PAPSS2: variants seen among roughly 807,000 people sequenced by gnomAD.
PAPSS2 encodes 3'-phosphoadenosine 5'-phosphosulfate synthase 2.
PAPSS2 carries 61 observed loss-of-function variants against 66.5 expected under a neutral mutation model. The observed-to-expected ratio is 0.92, with a 90% confidence interval of 0.75 to 1.14. The LOEUF (loss-of-function observed/expected upper bound fraction) is 1.14. Ranked by LOEUF, PAPSS2 falls within the 50% of genes most tolerant of loss-of-function variation. The pLI, the probability that PAPSS2 is intolerant of heterozygous loss-of-function variation, is 0.00. For missense variants in PAPSS2, 708 were observed against 789.6 expected (o/e 0.90, Z 1.24); for synonymous variants, 289 against 287.5 (o/e 1.01, Z -0.05).
intron 1 of PAPSS2, among the ~76,000 whole-genome samples, chr10:87,693,589 G>T (rs7920890): frequency 0.99 from 151,049 of 152,356 alleles, 74,885 homozygotes; most frequent in East Asian, 1. Context: ...AGCATGTGGC[G>T]CGTTTGACAT....
Position 87,714,102 on chromosome 10 carries a change from T to G in PAPSS2, c.440T>G (p.Phe147Cys), listed in dbSNP as rs368164378. ...ESAGLPFFEI[F>C]VDAPLNICES... is the part of the protein sequence containing the mutation. The stretch of plus-strand genomic sequence containing the variant: ...GCAGGGCTGCCATTCTTTGAAATAT[T>G]TGTAGATGCACCTCTAAATATTTGT... The change falls in exon 4 of 13, where the codon TTT (phenylalanine) becomes TGT (cysteine). Residue 147 changes from phenylalanine to cysteine, a missense_variant. Transcript: ENST00000456849. 6 of 1,613,898 alleles carry G rather than the reference T, an allele frequency of 3.7e-6. No individual in the cohort carries two copies. The African/African-American group carries it at 6.7e-5, about 18-fold the overall frequency.
At chr10:87,733,768 T>G (rs1853759245) in intron 9 of PAPSS2, among the ~76,000 whole-genome samples, 1 of 152,150 alleles carries the variant, frequency 6.6e-6, no homozygotes, top group Non-Finnish European at 1.5e-5. Context: ...TGTTTGGAGC[T>G]ATTTTCTTTA....
intron 11 of PAPSS2, among the ~76,000 whole-genome samples, chr10:87,744,101 C>CAA (rs60248954): frequency 4.2e-5 from 6 of 141,418 alleles, no homozygotes; most frequent in East Asian, 2.0e-4. Flanking sequence ...GACTTCGTCT[C>CAA]AAAAAAAAAA....
intron 2 of PAPSS2, among the ~76,000 whole-genome samples, chr10:87,712,395 C>T (rs1318669154): frequency 6.6e-6 from 1 of 152,236 alleles, no homozygotes; most frequent in Non-Finnish European, 1.5e-5. Context: ...TATGAGACCA[C>T]TGTCACCACA....
intron 1 of PAPSS2, among the ~76,000 whole-genome samples, chr10:87,694,346 A>T (rs1313283604): frequency 6.6e-6 from 1 of 152,254 alleles, no homozygotes; most frequent in South Asian, 2.1e-4. Context: ...ACTTAAGTCT[A>T]TAAATCTAGA....
chr10:87,707,564 C>CTTTTTTTT (rs747152482), intron 1 of PAPSS2, among the ~76,000 whole-genome samples: 89 of 93,968 alleles, frequency 9.5e-4, no homozygotes, highest in Non-Finnish European at 1.0e-3. Flanking sequence ...TCTTTTTTTT[C>CTTTTTTTT]TTTTTTTTTT....
chr10:87,677,759 C>T lies in PAPSS2; in HGVS notation c.27+17751C>T, dbSNP rs902212812. Among the ~76,000 whole-genome samples the T allele has an allele frequency of 2.6e-5, 4 of 152,310 alleles. No individual in the cohort carries two copies. In the East Asian group the frequency reaches 7.7e-4, roughly 29 times the overall value. ...TACCCACTATCTCTTTATATAATGA[C>T]AGCATCCACTATGTAAGATTTATAT... is the stretch of plus-strand genomic sequence containing the variant. On this transcript the variant is annotated intron_variant, in intron 1 of 12. Transcript: ENST00000456849.
rs532878458 is a variant in PAPSS2, at chr10:87,745,121, G to C, written c.1611G>C (p.Gly537=). Reference sequence around the variant, plus strand: ...AGGATCTGTATGAACCCACTCATGGGGGCAAGGTCTTGAGCATGGCCCCTG... The same window carrying C: ...AGGATCTGTATGAACCCACTCATGGCGGCAAGGTCTTGAGCATGGCCCCTG... ...TKKDLYEPTH[G]GKVLSMAPGL... is the part of the protein sequence containing the mutation. The change falls in exon 12 of 13, where the codon GGG becomes GGC. Residue 537 remains glycine (G), a synonymous_variant. Coordinates refer to ENST00000456849, the MANE Select transcript of PAPSS2 (RefSeq NM_001015880.2). 6.2e-7 allele frequency: 1 copy of C among 1,614,100 alleles called. No individual in the cohort carries two copies. Among genetic ancestry groups the C allele is most frequent in the Admixed American group, 1.7e-5 (1 of 60,014 alleles).
At chr10:87,705,260 T>G (rs1853368882) in intron 1 of PAPSS2, among the ~76,000 whole-genome samples, 2 of 152,218 alleles carry the variant, frequency 1.3e-5, no homozygotes, top group African/African-American at 2.4e-5. Flanking sequence ...GTATTAATAG[T>G]CCATTCCTTT....
chr10:87,663,237 G>A (rs1245128229), intron 1 of PAPSS2, among the ~76,000 whole-genome samples: 1 of 148,904 alleles, frequency 6.7e-6, no homozygotes, highest in Non-Finnish European at 1.5e-5. Context: ...TCAGCCTCCC[G>A]AGTAGCTGGC....
At chr10:87,669,065 A>G (rs1333623069) in intron 1 of PAPSS2, among the ~76,000 whole-genome samples, 2 of 152,218 alleles carry the variant, frequency 1.3e-5, no homozygotes, top group African/African-American at 2.4e-5. Context: ...AAAAAGCAGT[A>G]TTTGAAAGAT....
chr10:87,709,214 AC>A lies in PAPSS2; in HGVS notation c.48del (p.Asn17MetfsTer2). ...KQKTENQQKS[T>X]NVVYQAHHVS... ...TTTATAGGAGAACCAGCAGAAATCC[AC>A]CAATGTAGTCTATCAGGCCCACCAT... On this transcript the variant is annotated frameshift_variant, in exon 2 of 13. Transcript: ENST00000456849. LOFTEE classifies it high-confidence loss of function. The A allele has an allele frequency of 6.2e-7, 1 of 1,612,640 alleles. No individual in the cohort carries two copies. Among genetic ancestry groups the A allele is most frequent in the Non-Finnish European group, 8.5e-7 (1 of 1,178,768 alleles).
intron 1 of PAPSS2, among the ~76,000 whole-genome samples, chr10:87,684,729 G>A (rs190978675): frequency 9.2e-5 from 14 of 152,294 alleles, no homozygotes; most frequent in Admixed American, 9.2e-4. Context: ...TATAGCAACT[G>A]TGTGAGGTAG....
At chr10:87,718,599 C>T (rs1343273265) in intron 7 of PAPSS2, among the ~76,000 whole-genome samples, 1 of 152,214 alleles carries the variant, frequency 6.6e-6, no homozygotes, top group Non-Finnish European at 1.5e-5. Context: ...GTTCCTGAGT[C>T]AGGGCCCCAG....
At chr10:87,710,316 T>C (rs555014459) in intron 2 of PAPSS2, among the ~76,000 whole-genome samples, 86 of 152,324 alleles carry the variant, frequency 5.6e-4, no homozygotes, top group Non-Finnish European at 1.1e-3. Context: ...ATGCCTGGAC[T>C]GTGCATCGAA....
At chr10:87,675,914 C>A (rs1257720886) in intron 1 of PAPSS2, among the ~76,000 whole-genome samples, 1 of 151,786 alleles carries the variant, frequency 6.6e-6, no homozygotes, top group African/African-American at 2.4e-5. Flanking sequence ...TGCCTGAGGG[C>A]CACCGGCTCA....
Position 87,712,952 on chromosome 10 carries a change from ATTTC to A in PAPSS2, c.146-111_146-108del, listed in dbSNP as rs751276656. ...ACTTGCCTTGTAGTCAACTACACTG[ATTTC>A]TTTCTTTCTTTTTTTTTTTTTTAAG... On this transcript the variant is annotated intron_variant, in intron 2 of 12. Coordinates refer to ENST00000456849, the MANE Select transcript of PAPSS2 (RefSeq NM_001015880.2). 120 of 680,880 alleles carry A rather than the reference ATTTC, an allele frequency of 1.8e-4. 1 individual carries two copies. Among genetic ancestry groups the A allele is most frequent in the Non-Finnish European group, 2.3e-4 (87 of 385,870 alleles). The allele number at this position is 680,880 out of a possible 1,614,324, so 42.2% of individuals were successfully genotyped here. A position where few individuals can be genotyped will look rare whatever the true frequency, so the allele number is the denominator to read the frequency against.
Position 87,745,704 on chromosome 10 carries a change from T to A in PAPSS2, c.1722-128T>A. The stretch of plus-strand genomic sequence containing the variant: ...GCAAGTTCCTGAAGATTTAGAGGAC[T>A]GCCCACTTTTGAAGATGCAGCATTT... On this transcript the variant is annotated intron_variant, in intron 12 of 12. Coordinates refer to ENST00000456849, the MANE Select transcript of PAPSS2 (RefSeq NM_001015880.2). 13 of 868,678 alleles carry A rather than the reference T, an allele frequency of 1.5e-5. No individual in the cohort carries two copies. In the South Asian group the frequency reaches 1.7e-4, roughly 11 times the overall value. The allele number at this position is 868,678 out of a possible 1,614,324, so 53.8% of individuals were successfully genotyped here. A position where few individuals can be genotyped will look rare whatever the true frequency, so the allele number is the denominator to read the frequency against.
chr10:87,728,740 G>A (rs201616366), intron 9 of PAPSS2, among the ~76,000 whole-genome samples: 6 of 148,666 alleles, frequency 4.0e-5, no homozygotes, highest in Non-Finnish European at 3.0e-5. Context: ...CTGTCTGAAA[G>A]AAAAAAAAAA....
Sources: gnomAD v4.1 joint callset for allele counts (sites outside exome capture counted in the v4.1 genomes callset) on GRCh38, gnomAD v4.1.1 for gene constraint, MANE v1.5 for transcripts, NCBI Gene and HGNC (gene_info 2026-07-23, HGNC 2026-07-21) for gene names.